Variants in PDZD7 observed in about 807,000 individuals in gnomAD.
The protein encoded by PDZD7 is PDZ domain-containing protein 7.
PDZD7 carries 72 observed loss-of-function variants against 84.7 expected under a neutral mutation model. The ratio of observed to expected loss-of-function variants is 0.85; its 90% CI spans 0.70 to 1.03. The LOEUF (loss-of-function observed/expected upper bound fraction) is 1.03, where lower values mean the gene tolerates loss of function less well. Among genes scored for constraint, PDZD7 ranks in the 50% least tolerant of loss-of-function variants. The probability of loss-of-function intolerance (pLI) is 0.00; values close to 1 mark genes in which losing one functional copy is unlikely to be tolerated. For missense variants in PDZD7, 1,490 were observed against 1,412.9 expected, an observed-to-expected ratio of 1.05 and a Z score of -0.87; for synonymous variants, 594 against 580.7, an observed-to-expected ratio of 1.02 and a Z score of -0.33.
chr10:101,027,679 GATCACATTCTGACTCTTCCC>G (rs368396972), intron 2 of PDZD7, among the ~76,000 whole-genome samples: 144 of 152,308 alleles, frequency 9.5e-4, no homozygotes, highest in African/African-American at 3.1e-3. Flanking sequence ...GTCATCAGAT[GATCACATTCTGACTCTTCCC>G]ATCCTTTGTC....
In PDZD7 at chr10:101,030,023, C is replaced by T. The variant is rs1426679303; in HGVS notation, c.197G>A (p.Arg66His). The change falls in exon 2 of 17, where the codon CGC becomes CAC. Residue 66 changes from arginine to histidine, a missense_variant. Coordinates refer to ENST00000619208, the MANE Select transcript of PDZD7 (RefSeq NM_001195263.2). ...RGIRASSPMG[R>H]VILINSPIEA... is the part of the protein sequence containing the mutation. ...GATGGGGGAGTTGATGAGGATGACGCGTCCCATGGGCGATGAGGCTCGGAT... is the reference window on the plus strand; with the variant it reads ...GATGGGGGAGTTGATGAGGATGACGTGTCCCATGGGCGATGAGGCTCGGAT... 6 of 1,613,456 alleles carry T rather than the reference C, an allele frequency of 3.7e-6. No homozygotes were observed. Among genetic ancestry groups the T allele is most frequent in the South Asian group, 2.2e-5 (2 of 91,054 alleles).
chr10:101,022,352 C>T lies in PDZD7; in HGVS notation c.576G>A (p.Glu192=), dbSNP rs1480074345. 6.2e-7 allele frequency: 1 copy of T among 1,614,182 alleles called. No individual in the cohort carries two copies. Among genetic ancestry groups the T allele is most frequent in the East Asian group, 2.2e-5 (1 of 44,874 alleles). The change falls in exon 5 of 17, where the codon GAG becomes GAA. Residue 192 remains glutamate (E), a synonymous_variant. Coordinates refer to ENST00000619208, the MANE Select transcript of PDZD7 (RefSeq NM_001195263.2). ...VDVVNRRLVV[E]KCGSTPSDTS... ...TGTCGGAGGGTGTTGAACCGCACTT[C>T]TCCACTACCAGGCGCCGATTCACCA...
At chr10:101,019,537 CTT>C in intron 7 of PDZD7, among the ~76,000 whole-genome samples, 2 of 149,724 alleles carry the variant, frequency 1.3e-5, no homozygotes, top group African/African-American at 5.0e-5. Context: ...TCTGCTTCTG[CTT>C]CTGCCTCCTC....
At chr10:101,029,957 T>TGGCAGGGGCCCCC in intron 2 of PDZD7, 37 bp downstream of exon 2, 1 of 732,886 alleles carries the variant, frequency 1.4e-6, no homozygotes, top group Admixed American at 1.9e-5. Flanking sequence ...ACCCCCACCC[T>TGGCAGGGGCCCCC]CCCCAACCCA....
At chr10:101,023,373 T>C in intron 4 of PDZD7, 63 bp downstream of exon 4, 1 of 1,597,584 alleles carries the variant, frequency 6.3e-7, no homozygotes, top group Non-Finnish European at 8.6e-7. Flanking sequence ...GGGTTTTGGG[T>C]GTTGGTAGGG....
chr10:101,013,699 C>T (rs763118431), intron 11 of PDZD7, among the ~76,000 whole-genome samples: 11 of 152,052 alleles, frequency 7.2e-5, no homozygotes, highest in South Asian at 2.1e-4. Context: ...ATGCGGCGGC[C>T]GTGGGAAAGT....
chr10:101,018,352 G>T, intron 8 of PDZD7, 56 bp from the exon 9 acceptor site: 2 of 1,583,666 alleles, frequency 1.3e-6, no homozygotes, highest in Middle Eastern at 2.1e-4. Flanking sequence ...AGGGAAGGAC[G>T]AGGGGCAGGG....
intron 9 of PDZD7, 117 bp downstream of exon 9, chr10:101,017,980 CAG>C: frequency 2.5e-6 from 3 of 1,177,094 alleles, no homozygotes; most frequent in South Asian, 1.2e-5. Context: ...CTGAGGCTCT[CAG>C]GGGTTGAGTA....
At chr10:101,021,351 A>C (rs1299203183) in intron 6 of PDZD7, among the ~76,000 whole-genome samples, 2 of 152,034 alleles carry the variant, frequency 1.3e-5, no homozygotes, top group East Asian at 3.8e-4. Flanking sequence ...CAAGTGTGAG[A>C]CCCACATGAA....
At chr10:101,022,916 G>A (rs559653109) in intron 4 of PDZD7, among the ~76,000 whole-genome samples, 2 of 152,104 alleles carry the variant, frequency 1.3e-5, no homozygotes, top group African/African-American at 4.8e-5. Context: ...GGGATTACAG[G>A]CATGCTCCAC....
chr10:101,010,543 G>C lies in PDZD7; in HGVS notation c.2346C>G (p.Ser782Arg). ...SRSRSRSRSR[S>R]RSSRGQGKSP... ...ACTTGCCTTGACCCCGGCTGCTGCG[G>C]CTGCGGCTGCGGCTACGGCTGCGGC... is the stretch of plus-strand genomic sequence containing the variant. Residue 782 changes from serine to arginine, a missense_variant, in exon 15 of 17, where the codon AGC becomes AGG. Ser to Arg is a moderately radical substitution (Grantham distance 110, BLOSUM62 -1). Transcript: ENST00000619208. The C allele has an allele frequency of 6.5e-7, 1 of 1,526,898 alleles. No individual in the cohort carries two copies. The highest frequency in any genetic ancestry group is 8.8e-7 in the Non-Finnish European group (1 of 1,139,976). 94.6% of individuals were successfully genotyped at this position (1,526,898 alleles called of 1,614,324 possible). A position where few individuals can be genotyped will look rare whatever the true frequency, so the allele number is the denominator to read the frequency against.
rs1048648727 is a variant in PDZD7, at chr10:101,011,943, C to T, written c.1915G>A (p.Ala639Thr). The T allele has an allele frequency of 3.2e-6, 5 of 1,550,238 alleles. No homozygotes were observed. In the African/African-American group the frequency reaches 5.5e-5, roughly 17 times the overall value. The change falls in exon 13 of 17, where the codon GCC becomes ACC. Residue 639 changes from alanine (A) to threonine (T), a missense_variant. Coordinates refer to ENST00000619208, the MANE Select transcript of PDZD7 (RefSeq NM_001195263.2). ...VMLVELEAFE[A>T]LKSRAVRPPA... is the part of the protein sequence containing the mutation. ...TGCTGACCTGCCCTGCTCTTGAGGG[C>T]CTCAAAAGCCTCCAGCTCCACAAGC...
chr10:101,009,904 G>C (rs11190788), intron 15 of PDZD7, among the ~76,000 whole-genome samples: 1 of 150,820 alleles, frequency 6.6e-6, no homozygotes, highest in African/African-American at 2.5e-5. Flanking sequence ...ACCGCGCCCG[G>C]CTGAGACAGA....
At chr10:101,022,159 A>G (rs189423807) in intron 5 of PDZD7, 50 bp downstream of exon 5, 102 of 1,609,390 alleles carry the variant, frequency 6.3e-5, no homozygotes, top group Non-Finnish European at 8.6e-5. Context: ...GCCCCACTCC[A>G]GACCCCATTC....
Position 101,019,165 on chromosome 10 carries a change from G to T in PDZD7, c.981C>A (p.Ser327Arg). ...GGGCGCTGGAGGCGCACGAAGAGAC[G>T]CTGGAGCTGCTCTCAGAGGCCGGGG... ...QLSPASESSS[S>R]VSSCASSAPY... Residue 327 changes from serine to arginine, a missense_variant, in exon 8 of 17, where the codon AGC becomes AGA. Coordinates refer to ENST00000619208, the MANE Select transcript of PDZD7 (RefSeq NM_001195263.2). 1.3e-6 allele frequency: 2 copies of T among 1,538,816 alleles called. No homozygotes were observed. Among genetic ancestry groups the T allele is most frequent in the Non-Finnish European group, 1.7e-6 (2 of 1,148,210 alleles).
rs553511807 is a variant in PDZD7 at position 101,020,618 on chromosome 10, G to C, written c.928C>G (p.Leu310Val). 2 of 1,613,274 alleles carry C rather than the reference G, an allele frequency of 1.2e-6. No homozygotes were observed. Among genetic ancestry groups the C allele is most frequent in the Non-Finnish European group, 8.5e-7 (1 of 1,179,440 alleles). Residue 310 changes from leucine (L) to valine (V), a missense_variant and splice_region_variant, in exon 7 of 17, where the codon CTG becomes GTG. Physicochemically the swap from Leu to Val is conservative, Grantham distance 32 (BLOSUM62 1). Coordinates refer to ENST00000619208, the MANE Select transcript of PDZD7 (RefSeq NM_001195263.2). Reference protein sequence around the residue: ...MVSEYCWLDRLSNGVLQQLSP... With the variant: ...MVSEYCWLDRVSNGVLQQLSP... ...ACCTTGGGAGATCTGAGCCACTTACGTCGGTCCAGCCAGCAGTACTCAGAA... is the reference window on the plus strand; with the variant it reads ...ACCTTGGGAGATCTGAGCCACTTACCTCGGTCCAGCCAGCAGTACTCAGAA...
At chr10:101,021,659 A>G in intron 6 of PDZD7, 139 bp downstream of exon 6, 2 of 1,345,072 alleles carry the variant, frequency 1.5e-6, no homozygotes, top group African/African-American at 2.9e-5. Flanking sequence ...CTTCTTCAAA[A>G]CAGGGATGAG....
rs902813776 is a variant in PDZD7 at position 101,011,725 on chromosome 10, G to A, written c.1970C>T (p.Thr657Met). ...GGTGATAAGGTGACGCTTGGGTGGC[G>A]TGTCCTGCCGGGCTGGTCTCAAAGC... ...PPALRPARQD[T>M]PPKRHLITPV... The change falls in exon 14 of 17, where the codon ACG becomes ATG. Residue 657 changes from threonine to methionine, a missense_variant. Thr to Met is a moderately conservative substitution (Grantham distance 81). Coordinates refer to ENST00000619208, the MANE Select transcript of PDZD7 (RefSeq NM_001195263.2). 6.0e-5 allele frequency: 92 copies of A among 1,544,424 alleles called. No individual in the cohort carries two copies. The highest frequency in any genetic ancestry group is 3.3e-4 in the Middle Eastern group (2 of 6,012).
rs145563035 is a variant in PDZD7, at chr10:101,017,891, G to C, written c.1522+208C>G. The C allele has an allele frequency of 1.3e-4, 19 of 151,734 alleles. 1 individual carries two copies. Among genetic ancestry groups the C allele is most frequent in the Non-Finnish European group, 2.1e-4 (15 of 70,622 alleles). The allele number at this position is 151,734 out of a possible 1,614,324, so 9.4% of individuals were successfully genotyped here. On this transcript the variant is annotated intron_variant, in intron 9 of 16. Coordinates refer to ENST00000619208, the MANE Select transcript of PDZD7 (RefSeq NM_001195263.2). ...AGAAAGAAAGAAAGAAAGAAAGAAA[G>C]AAAAGAAAGAAAGAAAGAAAGAAAA...
Sources: allele counts gnomAD v4.1 joint callset (sites outside exome capture counted in the v4.1 genomes callset), GRCh38; gene constraint gnomAD v4.1.1; transcripts MANE v1.5; gene names NCBI Gene and HGNC (gene_info 2026-07-23, HGNC 2026-07-21).